The following SLIT2 variants were observed in gnomAD, a reference collection of about 807,000 sequenced individuals.
SLIT2 encodes slit homolog 2 protein.
In SLIT2, 41 loss-of-function variants were observed where a neutral mutation model predicts 185.7. The observed-to-expected ratio is 0.22, with a 90% CI of 0.17 to 0.29. SLIT2 has a LOEUF of 0.29. Ranked by LOEUF, SLIT2 falls within the 10% of genes least tolerant of loss-of-function variation. The pLI, the probability that SLIT2 is intolerant of heterozygous loss-of-function variation, is 1.00. For missense variants in SLIT2, 1,571 were observed against 1,909.0 expected, an observed-to-expected ratio of 0.82 and a Z score of 3.30; for synonymous variants, 693 against 680.2, an observed-to-expected ratio of 1.02 and a Z score of -0.29.
In SLIT2 at chr4:20,488,974, T is replaced by C. The variant is rs1319448139; in HGVS notation, c.767T>C (p.Val256Ala). Residue 256 changes from valine to alanine, a missense_variant, in exon 8 of 37, where the codon GTC (valine) becomes GCC (alanine). This residue lies in a region of SLIT2 where 1,202 missense variants were observed against 1,416.4 expected (regional missense o/e 0.85). Coordinates refer to ENST00000504154, the MANE Select transcript of SLIT2 (RefSeq NM_004787.4). ...GCCGAGGTTCAAAAACGAGAATTTG[T>C]CTGCAGTGGTAAGGGAGAAGGAAGA... ...NVAEVQKREFVCSGHQSFMAP... is the reference protein window; with the variant it reads ...NVAEVQKREFACSGHQSFMAP... The C allele has an allele frequency of 6.2e-7, 1 of 1,611,244 alleles. No homozygotes were observed. The highest frequency in any genetic ancestry group is 1.1e-5 in the South Asian group (1 of 90,806).
chr4:20,617,031 G>T lies in SLIT2; in HGVS notation c.3969G>T (p.Val1323=). The T allele has an allele frequency of 6.2e-7, 1 of 1,614,192 alleles. No homozygotes were observed. The highest frequency in any genetic ancestry group is 1.1e-5 in the South Asian group (1 of 91,090). Residue 1323 remains valine, a synonymous_variant, in exon 35 of 37, where the codon GTG becomes GTT. Coordinates refer to ENST00000504154, the MANE Select transcript of SLIT2 (RefSeq NM_004787.4). The part of the protein sequence containing the change: ...INSELQDFQK[V]PMQTGILPGC... ...GTGAGCTGCAGGACTTCCAGAAGGT[G>T]CCGATGCAAACAGGCATTTTGCCTG... is the stretch of plus-strand genomic sequence containing the variant.
chr4:20,589,905 T>C (rs930987286), intron 30 of SLIT2, among the ~76,000 whole-genome samples, 168 bp downstream of exon 30: 1 of 140,120 alleles, frequency 7.1e-6, no homozygotes, highest in Admixed American at 7.1e-5. Context: ...ATGGACTTTT[T>C]TTTTTTTTTT....
chr4:20,361,112 T>C (rs905898884), intron 4 of SLIT2, among the ~76,000 whole-genome samples: 2 of 151,518 alleles, frequency 1.3e-5, no homozygotes, highest in African/African-American at 4.8e-5. Context: ...TTAAAAACCT[T>C]AGTAGAATTT....
intron 4 of SLIT2, among the ~76,000 whole-genome samples, chr4:20,448,433 G>T (rs1213102828): frequency 6.6e-6 from 1 of 151,928 alleles, no homozygotes; most frequent in Non-Finnish European, 1.5e-5. Flanking sequence ...TGATTCTTGT[G>T]CCTCAGCCTC....
intron 26 of SLIT2, 103 bp from the exon 27 acceptor site, chr4:20,567,159 A>C (rs2148913182): frequency 9.8e-7 from 1 of 1,025,062 alleles, no homozygotes; most frequent in East Asian, 2.4e-5. Flanking sequence ...ATATGTGACC[A>C]ATAATAATTT....
chr4:20,605,964 G>A (rs1578012888), intron 33 of SLIT2, among the ~76,000 whole-genome samples: 1 of 151,824 alleles, frequency 6.6e-6, no homozygotes, highest in Middle Eastern at 3.4e-3. Context: ...GCCCAGGCTG[G>A]TCTCAAACTC....
chr4:20,552,151 A>C (rs1209783328), intron 25 of SLIT2, among the ~76,000 whole-genome samples: 1 of 152,188 alleles, frequency 6.6e-6, no homozygotes, highest in Non-Finnish European at 1.5e-5. Context: ...ACTAGCTCAG[A>C]GATGCAGGGC....
intron 4 of SLIT2, among the ~76,000 whole-genome samples, chr4:20,395,049 C>A (rs1367208778): frequency 6.6e-6 from 1 of 151,926 alleles, no homozygotes. Flanking sequence ...TTGCATACAC[C>A]TGTCCCAAAC....
intron 11 of SLIT2, among the ~76,000 whole-genome samples, chr4:20,512,934 G>C (rs1719885147): frequency 2.0e-5 from 3 of 152,000 alleles, no homozygotes; most frequent in Admixed American, 2.0e-4. Context: ...ATTATAAATA[G>C]AACAGTTTAT....
rs776649108 is a variant in SLIT2 at position 20,617,556 on chromosome 4, G to A, written c.4254G>A (p.Ala1418=). ...EEEDLFNPCQ[A]IKCKHGKCRL... is the part of the protein sequence containing the mutation. ...AGGATCTGTTTAACCCATGCCAGGC[G>A]ATCAAGTGCAAGCATGGGAAGTGCA... The change falls in exon 36 of 37, where the codon GCG becomes GCA. Residue 1418 remains alanine (A), a synonymous_variant. Coordinates refer to ENST00000504154, the MANE Select transcript of SLIT2 (RefSeq NM_004787.4). 1.1e-5 allele frequency: 17 copies of A among 1,613,762 alleles called. No homozygotes were observed. Among genetic ancestry groups the A allele is most frequent in the Admixed American group, 1.7e-5 (1 of 59,974 alleles).
At chr4:20,593,584 A>G (rs973083382) in intron 30 of SLIT2, among the ~76,000 whole-genome samples, 1 of 152,118 alleles carries the variant, frequency 6.6e-6, no homozygotes. Flanking sequence ...TTCATACTGT[A>G]TTATATACTT....
intron 7 of SLIT2, among the ~76,000 whole-genome samples, chr4:20,488,163 C>T (rs1229249054): frequency 1.3e-5 from 2 of 152,036 alleles, no homozygotes; most frequent in African/African-American, 4.8e-5. Context: ...TAGAGCGACT[C>T]ACTTAATTCC....
chr4:20,405,229 A>G (rs929745666), intron 4 of SLIT2, among the ~76,000 whole-genome samples: 5 of 152,066 alleles, frequency 3.3e-5, no homozygotes, highest in East Asian at 3.9e-4. Flanking sequence ...AATGTATCAC[A>G]TACTCTAAAT....
chr4:20,523,170 G>A (rs1018083744), intron 12 of SLIT2, among the ~76,000 whole-genome samples: 2 of 152,086 alleles, frequency 1.3e-5, no homozygotes, highest in Admixed American at 1.3e-4. Context: ...AGAAAGGCAA[G>A]GAGATCAGTG....
rs745328281 is a variant in SLIT2, at chr4:20,356,343, C to T, written c.395+87462C>T. The stretch of plus-strand genomic sequence containing the variant: ...GAATATGGTATTATTTAAGTATCAT[C>T]AACTTTTAATTTTAGTGTGTTTCCA... On this transcript the variant is annotated intron_variant, in intron 4 of 36. Transcript: ENST00000504154. Among the ~76,000 whole-genome samples the T allele has an allele frequency of 1.4e-3, 214 of 152,246 alleles. 1 individual carries two copies. The highest frequency in any genetic ancestry group is 2.5e-3 in the Non-Finnish European group (171 of 68,016).
At chr4:20,556,293 AACCTTCT>A (rs1480740936) in intron 26 of SLIT2, among the ~76,000 whole-genome samples, 2 of 152,002 alleles carry the variant, frequency 1.3e-5, no homozygotes, top group African/African-American at 4.8e-5. Context: ...ACTGGCATAA[AACCTTCT>A]ACTCAGCACA....
intron 4 of SLIT2, among the ~76,000 whole-genome samples, chr4:20,324,785 G>T (rs1719416658): frequency 6.6e-6 from 1 of 152,092 alleles, no homozygotes; most frequent in Admixed American, 6.5e-5. Context: ...AACTGTTGAA[G>T]CTGGTGAATA....
In SLIT2 at chr4:20,253,021, G is replaced by C. The variant is rs1722160469; in HGVS notation, c.-795G>C. On this transcript the variant is annotated 5_prime_UTR_variant, in exon 1 of 37. Transcript: ENST00000504154. ...GTCTTTTCTGCGTGACCTCGGGGCA[G>C]GTCCTGGTGCAGAGCGTCGCCAAGG... Among the ~76,000 whole-genome samples the C allele has an allele frequency of 6.6e-6, 1 of 152,192 alleles. No individual in the cohort carries two copies. Among genetic ancestry groups the C allele is most frequent in the African/African-American group, 2.4e-5 (1 of 41,456 alleles).
intron 11 of SLIT2, among the ~76,000 whole-genome samples, chr4:20,519,175 C>G (rs1400725994): frequency 6.6e-6 from 1 of 152,088 alleles, no homozygotes; most frequent in Non-Finnish European, 1.5e-5. Flanking sequence ...CTTTATTTTT[C>G]TGTTTTCCAA....
Sources: gnomAD v4.1 joint callset for allele counts (sites outside exome capture counted in the v4.1 genomes callset) on GRCh38, gnomAD v4.1.1 for gene constraint, gnomAD v4.1.1 regional missense constraint, MANE v1.5 for transcripts, NCBI Gene and HGNC (gene_info 2026-07-23, HGNC 2026-07-21) for gene names.